DGKD: variants seen among roughly 807,000 people sequenced by gnomAD.
The protein encoded by DGKD is diacylglycerol kinase delta.
Under a neutral mutation model 154.4 loss-of-function variants are expected in DGKD, and 68 were observed. The ratio of observed to expected loss-of-function variants is 0.44; its 90% CI spans 0.36 to 0.54. DGKD has a LOEUF of 0.54. DGKD is among the 20% of genes least tolerant of loss of function. The pLI is 0.00. For synonymous variants in DGKD, 693 were observed against 638.0 expected (o/e 1.09, Z -1.30); for missense variants, 1,343 against 1,593.6 (o/e 0.84, Z 2.68).
Position 233,449,228 on chromosome 2 carries a change from G to C in DGKD, c.1740G>C (p.Ser580=), listed in dbSNP as rs770610152. 2.5e-6 allele frequency: 4 copies of C among 1,613,828 alleles called. No individual in the cohort carries two copies. The highest frequency in any genetic ancestry group is 2.2e-5 in the East Asian group (1 of 44,882). ...AGGAGGCTGAAGATGGAGATGGGTC[G>C]GGCAGCATCTGCGGTTCCACCGGAG... ...IAEEAEDGDG[S]GSICGSTGDR... is the part of the protein sequence containing the mutation. The change falls in exon 15 of 30, where the codon TCG becomes TCC. Residue 580 remains serine (S), a synonymous_variant. Transcript: ENST00000264057. The surrounding 1 kb of genome is among the most constrained non-coding windows in gnomAD (Gnocchi z 5.3).
chr2:233,447,061 G>A (rs759124390), intron 12 of DGKD, among the ~76,000 whole-genome samples: 10 of 152,176 alleles, frequency 6.6e-5, no homozygotes, highest in African/African-American at 1.2e-4. Flanking sequence ...CCTCCTAATG[G>A]CCTTTCCACC....
At chr2:233,463,674 A>G (rs1368107711) in intron 26 of DGKD, 1 of 186,112 alleles carries the variant, frequency 5.4e-6, no homozygotes, top group African/African-American at 2.4e-5. Flanking sequence ...GCATCTCCTC[A>G]CTCCACGCAT....
intron 1 of DGKD, among the ~76,000 whole-genome samples, chr2:233,368,397 A>G (rs1377607163): frequency 2.0e-5 from 3 of 152,100 alleles, no homozygotes; most frequent in Non-Finnish European, 4.4e-5. Flanking sequence ...CTGTAATCCC[A>G]GCTACTCCAG....
intron 12 of DGKD, chr2:233,447,425 G>A (rs1053089510): frequency 2.4e-5 from 23 of 969,586 alleles, no homozygotes; most frequent in East Asian, 1.1e-4. Context: ...CTAGGGCAAC[G>A]GTCAGCAAAC....
intron 1 of DGKD, among the ~76,000 whole-genome samples, chr2:233,366,002 G>A (rs905881373): frequency 6.6e-6 from 1 of 152,138 alleles, no homozygotes; most frequent in African/African-American, 2.4e-5. Context: ...AGGATTTATA[G>A]AAGAATGAGG....
intron 3 of DGKD, among the ~76,000 whole-genome samples, chr2:233,422,039 G>A (rs987317436): frequency 6.6e-6 from 1 of 152,202 alleles, no homozygotes; most frequent in African/African-American, 2.4e-5. Flanking sequence ...GGACCTTGAG[G>A]CCCCCTAAGT....
At chr2:233,405,290 G>A (rs2061656674) in intron 3 of DGKD, among the ~76,000 whole-genome samples, 1 of 152,096 alleles carries the variant, frequency 6.6e-6, no homozygotes, top group Non-Finnish European at 1.5e-5. Flanking sequence ...AGGCCAAGGC[G>A]GGCAGATCAC....
rs1318586917 is a variant in DGKD at position 233,445,701 on chromosome 2, G to A, written c.1273G>A (p.Asp425Asn). ...GGGCTGGGGCTCAGCCTGCGATGAC[G>A]ACACCCAGCTCCCCCAGATCTTGGA... Reference protein sequence around the residue: ...VLGWGSACDDDTQLPQILEKL... With the variant: ...VLGWGSACDDNTQLPQILEKL... The change falls in exon 11 of 30, where the codon GAC becomes AAC. Residue 425 changes from aspartate (D) to asparagine (N), a missense_variant. Physicochemically the swap from Asp to Asn is conservative, Grantham distance 23. Transcript: ENST00000264057. The surrounding 1 kb of genome is among the most constrained non-coding windows in gnomAD (Gnocchi z 5.5). 14 of 1,613,526 alleles carry A rather than the reference G, an allele frequency of 8.7e-6. No individual in the cohort carries two copies. Among genetic ancestry groups the A allele is most frequent in the African/African-American group, 2.7e-5 (2 of 74,870 alleles).
At position 233,450,933 on chromosome 2, in the gene DGKD, C is replaced by T. The variant is rs1368653141; in HGVS notation, c.2050C>T (p.Pro684Ser). The change falls in exon 17 of 30, where the codon CCG (proline) becomes TCG (serine). Residue 684 changes from proline to serine, a missense_variant. Physicochemically the swap from Pro to Ser is moderately conservative, Grantham distance 74. Coordinates refer to ENST00000264057, the MANE Select transcript of DGKD (RefSeq NM_152879.3). ...CTGTGTTGTTACAGTGTCGAAATCT[C>T]CGTGTGAAAAGCTGATCAGCAAAGG... is the stretch of plus-strand genomic sequence containing the variant. ...GRSQRKVSKS[P>S]CEKLISKGSL... 1.9e-6 allele frequency: 3 copies of T among 1,602,124 alleles called. No homozygotes were observed. Among genetic ancestry groups the T allele is most frequent in the Non-Finnish European group, 2.6e-6 (3 of 1,169,908 alleles).
intron 19 of DGKD, 30 bp from the exon 20 acceptor site, chr2:233,456,869 C>T: frequency 6.4e-7 from 1 of 1,568,940 alleles, no homozygotes; most frequent in Non-Finnish European, 8.8e-7. Flanking sequence ...AAAGCCCAGA[C>T]CTATGGCAAG....
At chr2:233,427,324 G>A (rs917760518) in intron 3 of DGKD, among the ~76,000 whole-genome samples, 1 of 142,384 alleles carries the variant, frequency 7.0e-6, no homozygotes, top group African/African-American at 2.6e-5. Context: ...GTTGAGTTCA[G>A]TTTATTGCCC....
chr2:233,424,385 C>A (rs561431367), intron 3 of DGKD, among the ~76,000 whole-genome samples: 1 of 152,326 alleles, frequency 6.6e-6, no homozygotes, highest in East Asian at 1.9e-4. Flanking sequence ...TCCTCCAGAT[C>A]TTATTTCTCC....
At chr2:233,468,691 C>T (rs1575185993) in intron 29 of DGKD, 138 bp downstream of exon 29, 44 of 1,359,110 alleles carry the variant, frequency 3.2e-5, no homozygotes, top group East Asian at 2.0e-4. Context: ...CAGGTGGGGG[C>T]GGCTGTGGCC....
At position 233,408,326 on chromosome 2, in the gene DGKD, G is replaced by A. The variant is rs760061947; in HGVS notation, c.348+17843G>A. ...TGGGATTACAGGCGTGAGCCACTGCGCCCATCCAGAGAAACTGTATATAAT... is the reference window on the plus strand; with the variant it reads ...TGGGATTACAGGCGTGAGCCACTGCACCCATCCAGAGAAACTGTATATAAT... On this transcript the variant is annotated intron_variant, in intron 3 of 29. Coordinates refer to ENST00000264057, the MANE Select transcript of DGKD (RefSeq NM_152879.3). 1.1e-4 allele frequency among the ~76,000 whole-genome samples: 17 copies of A among 152,332 alleles called. No homozygotes were observed. In the East Asian group the frequency reaches 2.1e-3, roughly 19 times the overall value.
At chr2:233,450,774 T>C in intron 16 of DGKD, 148 bp from the exon 17 acceptor site, 1 of 1,001,716 alleles carries the variant, frequency 1.0e-6, no homozygotes, top group East Asian at 2.5e-5. Flanking sequence ...CTCCGCCCCC[T>C]TCTTTGTCCC....
At chr2:233,358,386 TG>T (rs2125369366) in intron 1 of DGKD, among the ~76,000 whole-genome samples, 1 of 152,336 alleles carries the variant, frequency 6.6e-6, no homozygotes, top group East Asian at 1.9e-4. Context: ...TTTTTTCCAT[TG>T]TGAAATGAAG....
chr2:233,445,531 C>T lies in DGKD; in HGVS notation c.1195-92C>T. 1 of 1,488,380 alleles carries T rather than the reference C, an allele frequency of 6.7e-7. No individual in the cohort carries two copies. The highest frequency in any genetic ancestry group is 9.0e-7 in the Non-Finnish European group (1 of 1,115,106). The allele number at this position is 1,488,380 out of a possible 1,614,324, so 92.2% of individuals were successfully genotyped here. ...TCACGTCCCCACATTGCTAACGTAACCCTCACGGTGGGGGACAAGGAGGGC... is the reference window on the plus strand; with the variant it reads ...TCACGTCCCCACATTGCTAACGTAATCCTCACGGTGGGGGACAAGGAGGGC... On this transcript the variant is annotated intron_variant, in intron 10 of 29. Transcript: ENST00000264057. This position sits in a 1 kb window ranked among gnomAD's most constrained non-coding sequence, Gnocchi z 5.5.
intron 8 of DGKD, among the ~76,000 whole-genome samples, chr2:233,437,880 T>C (rs1226885685): frequency 2.6e-5 from 4 of 152,252 alleles, no homozygotes; most frequent in African/African-American, 7.2e-5. Context: ...GGCTTGCAGC[T>C]GCTCTCATGT....
intron 24 of DGKD, among the ~76,000 whole-genome samples, chr2:233,461,859 C>G (rs2063655979): frequency 6.6e-6 from 1 of 152,256 alleles, no homozygotes; most frequent in African/African-American, 2.4e-5. Context: ...GTGACTTGTG[C>G]TCTCACCGTC....
Sources: allele counts gnomAD v4.1 joint callset (sites outside exome capture counted in the v4.1 genomes callset), GRCh38; gene constraint gnomAD v4.1.1; non-coding constraint Gnocchi (gnomAD v3.1); transcripts MANE v1.5; gene names NCBI Gene and HGNC (gene_info 2026-07-23, HGNC 2026-07-21).